Variants in CDH22 observed in about 807,000 individuals in gnomAD.
CDH22 encodes cadherin 22, also known as cadherin-22.
Under a neutral mutation model 58.4 loss-of-function variants are expected in CDH22, and 30 were observed. That is an observed-to-expected ratio of 0.51 (90% CI 0.38 to 0.70). The LOEUF is 0.70. CDH22 is among the 30% of genes least tolerant of loss of function. The pLI is 0.00. For synonymous variants in CDH22, 513 were observed against 558.2 expected (o/e 0.92, Z 1.14); for missense variants, 1,014 against 1,233.9 (o/e 0.82, Z 2.67).
rs767106943 is a variant in CDH22 at position 46,241,108 on chromosome 20, C to T, written c.405G>A (p.Leu135=). 6.2e-7 allele frequency: 1 copy of T among 1,614,164 alleles called. No individual in the cohort carries two copies. Among genetic ancestry groups the T allele is most frequent in the Non-Finnish European group, 8.5e-7 (1 of 1,180,026 alleles). The change falls in exon 3 of 12, where the codon CTG becomes CTA. Residue 135 remains leucine (L), a synonymous_variant. Coordinates refer to ENST00000537909, the MANE Select transcript of CDH22 (RefSeq NM_021248.3). This position sits in a 1 kb window ranked among gnomAD's most constrained non-coding sequence, Gnocchi z 5.2. ...TGGCGCGATCCCGAGCCTGGGCCCG[C>T]AGCGTGTAGAAGGTTTTCTGCTCGC... ...LDREQKTFYT[L]RAQARDRATN...
intron 1 of CDH22, among the ~76,000 whole-genome samples, chr20:46,287,816 C>A (rs972415213): frequency 1.3e-5 from 2 of 152,074 alleles, no homozygotes; most frequent in Admixed American, 6.5e-5. Flanking sequence ...GCCCCTTCAC[C>A]TGCTGGGGTC....
intron 8 of CDH22, among the ~76,000 whole-genome samples, chr20:46,191,885 C>G (rs539611705): frequency 9.7e-4 from 147 of 152,194 alleles, no homozygotes; most frequent in African/African-American, 3.5e-3. Context: ...GCCCACAAGG[C>G]CCCCCATGAT....
At chr20:46,228,552 TG>T (rs1270930565) in intron 3 of CDH22, among the ~76,000 whole-genome samples, 2 of 23,198 alleles carry the variant, frequency 8.6e-5, no homozygotes, top group Non-Finnish European at 1.9e-4. Flanking sequence ...CTAGACCAGG[TG>T]GGGGTGGGGG....
rs1289971469 is a variant in CDH22, at chr20:46,300,658, G to A, written c.-400+7597C>T. 2.6e-5 allele frequency among the ~76,000 whole-genome samples: 4 copies of A among 152,188 alleles called. No homozygotes were observed. Among genetic ancestry groups the A allele is most frequent in the Non-Finnish European group, 4.4e-5 (3 of 68,030 alleles). On this transcript the variant is annotated intron_variant, in intron 1 of 11. Transcript: ENST00000537909. The surrounding 1 kb of genome is among the most constrained non-coding windows in gnomAD (Gnocchi z 4.4). ...TTAACATCTGGACCAACTTTCCAGA[G>A]GCCAAAACAGTTCTCTGCCATCCAG... is the stretch of plus-strand genomic sequence containing the variant.
At chr20:46,239,852 G>C (rs1052367320) in intron 3 of CDH22, among the ~76,000 whole-genome samples, 1 of 152,224 alleles carries the variant, frequency 6.6e-6, no homozygotes, top group Non-Finnish European at 1.5e-5. Context: ...AAACGGTCTG[G>C]GGGTTTCCTG....
intron 4 of CDH22, among the ~76,000 whole-genome samples, chr20:46,225,279 A>G (rs2086163087): frequency 6.6e-6 from 1 of 152,252 alleles, no homozygotes; most frequent in Non-Finnish European, 1.5e-5. Context: ...TATTCACTGT[A>G]GCATTGTTTG....
chr20:46,243,717 C>G (rs2086309091), intron 2 of CDH22, among the ~76,000 whole-genome samples: 1 of 152,166 alleles, frequency 6.6e-6, no homozygotes. Context: ...TTTTGGGGTG[C>G]CTCTACCTGC....
intron 7 of CDH22, among the ~76,000 whole-genome samples, chr20:46,204,702 G>T: frequency 6.6e-6 from 1 of 151,998 alleles, no homozygotes; most frequent in East Asian, 1.9e-4. Context: ...TTCAGAGCCG[G>T]AGGTCTAACA....
intron 10 of CDH22, among the ~76,000 whole-genome samples, chr20:46,184,136 T>C (rs1302157484): frequency 3.3e-5 from 5 of 151,924 alleles, no homozygotes; most frequent in Non-Finnish European, 5.9e-5. Flanking sequence ...TTCGCTCTTG[T>C]TGCCCGGGCT....
chr20:46,287,116 G>T (rs989507812), intron 1 of CDH22, among the ~76,000 whole-genome samples: 1 of 152,106 alleles, frequency 6.6e-6, no homozygotes, highest in Non-Finnish European at 1.5e-5. Context: ...CAGACGTTAG[G>T]TCTGTGTCAG....
chr20:46,245,868 G>A (rs1183006631), intron 2 of CDH22, among the ~76,000 whole-genome samples: 1 of 149,014 alleles, frequency 6.7e-6, no homozygotes, highest in Non-Finnish European at 1.5e-5. Context: ...CGTGTAGATG[G>A]GCAAACTGAG....
chr20:46,224,157 A>C (rs1443162438), intron 4 of CDH22, among the ~76,000 whole-genome samples: 1 of 152,132 alleles, frequency 6.6e-6, no homozygotes, highest in Non-Finnish European at 1.5e-5. Context: ...CTGGCTGTGA[A>C]GTCTTAATCT....
At chr20:46,261,021 G>A (rs2086430750) in intron 1 of CDH22, among the ~76,000 whole-genome samples, 1 of 152,092 alleles carries the variant, frequency 6.6e-6, no homozygotes, top group South Asian at 2.1e-4. Flanking sequence ...TAACATTCAG[G>A]GGACCTAAGA....
chr20:46,255,223 G>A (rs2086400625), intron 1 of CDH22, among the ~76,000 whole-genome samples: 1 of 151,960 alleles, frequency 6.6e-6, no homozygotes, highest in African/African-American at 2.4e-5. Context: ...GGTTTCACAG[G>A]CTGTTCTTGA....
At chr20:46,223,706 T>TTTC (rs1443847872) in intron 4 of CDH22, among the ~76,000 whole-genome samples, 1 of 51,114 alleles carries the variant, frequency 2.0e-5, no homozygotes, top group Non-Finnish European at 4.3e-5. Flanking sequence ...TCTTTCTTTC[T>TTTC]TTCTTTCTTT....
intron 5 of CDH22, 51 bp from the exon 6 acceptor site, chr20:46,213,239 C>A: frequency 6.6e-7 from 1 of 1,508,626 alleles, no homozygotes; most frequent in Non-Finnish European, 9.2e-7. Context: ...CTTCCCCAGC[C>A]TCTGCCAGCA....
At position 46,207,086 on chromosome 20, in the gene CDH22, C is replaced by T. The variant is rs79061836; in HGVS notation, c.1286+3221G>A. On this transcript the variant is annotated intron_variant, in intron 7 of 11. Coordinates refer to ENST00000537909, the MANE Select transcript of CDH22 (RefSeq NM_021248.3). ...CATCTTGGTGTCCCCAGGCCTGGCT[C>T]AGGGCCTGGCATGGAGGAGGAGCTG... Among the ~76,000 whole-genome samples, 165 of 152,310 alleles carry T rather than the reference C, an allele frequency of 1.1e-3. 3 individuals carry two copies. In the East Asian group the frequency reaches 0.028, roughly 26 times the overall value.
intron 1 of CDH22, among the ~76,000 whole-genome samples, chr20:46,282,584 C>T (rs1310200546): frequency 6.6e-6 from 1 of 152,204 alleles, no homozygotes; most frequent in Non-Finnish European, 1.5e-5. Flanking sequence ...ACACCAAATG[C>T]AATTCTTACC....
chr20:46,303,890 G>T (rs992371877), intron 1 of CDH22, among the ~76,000 whole-genome samples: 5 of 152,208 alleles, frequency 3.3e-5, no homozygotes, highest in African/African-American at 9.7e-5. Flanking sequence ...CGATCGCTCT[G>T]GTTGCCGCAG....
Sources: gnomAD v4.1 joint callset for allele counts (sites outside exome capture counted in the v4.1 genomes callset) on GRCh38, gnomAD v4.1.1 for gene constraint, Gnocchi (gnomAD v3.1) non-coding constraint, MANE v1.5 for transcripts, NCBI Gene and HGNC (gene_info 2026-07-23, HGNC 2026-07-21) for gene names.